The following NXPE2 variants were observed in gnomAD, a reference collection of about 807,000 sequenced individuals.
NXPE2 encodes the protein neurexophilin and PC-esterase domain family member 2.
Under a neutral mutation model 34.4 loss-of-function variants are expected in NXPE2, and 34 were observed. The observed-to-expected ratio is 0.99, with a 90% CI of 0.75 to 1.31. NXPE2 has a LOEUF of 1.31. NXPE2 is among the 40% of genes most tolerant of loss of function. NXPE2 has a pLI of 0.00. For missense variants in NXPE2, 649 were observed against 672.5 expected (o/e 0.97, Z 0.39); for synonymous variants, 235 against 231.3 (o/e 1.02, Z -0.15).
chr11:114,801,578 C>T, the NXPE2 span, among the ~76,000 whole-genome samples: 2 of 152,100 alleles, frequency 1.3e-5, no homozygotes, highest in Non-Finnish European at 2.9e-5. Context: ...CTATGTGCTG[C>T]GTGGAGTTGG....
chr11:114,485,641 C>T, the NXPE2 span, among the ~76,000 whole-genome samples: 3 of 152,052 alleles, frequency 2.0e-5, no homozygotes, highest in Admixed American at 1.3e-4. Context: ...TAATCATCCC[C>T]ACTCCCCAAA....
chr11:114,686,241 A>G (rs1385401932), intron 2 of NXPE2, among the ~76,000 whole-genome samples: 2 of 152,098 alleles, frequency 1.3e-5, no homozygotes, highest in Non-Finnish European at 2.9e-5. Context: ...ATAGTACCCA[A>G]TAGGTAGTTT....
the NXPE2 span, among the ~76,000 whole-genome samples, chr11:114,646,468 T>A: frequency 6.6e-6 from 1 of 152,024 alleles, no homozygotes; most frequent in African/African-American, 2.4e-5. Flanking sequence ...TTGAGGTGAA[T>A]CTCATTTCAT....
chr11:114,797,093 T>C, the NXPE2 span, among the ~76,000 whole-genome samples: 1 of 152,226 alleles, frequency 6.6e-6, no homozygotes. Context: ...AAAGGTTTCC[T>C]GTAGGAGACT....
chr11:114,702,662 G>T (rs1433902171), intron 3 of NXPE2, among the ~76,000 whole-genome samples: 1 of 152,058 alleles, frequency 6.6e-6, no homozygotes, highest in Non-Finnish European at 1.5e-5. Flanking sequence ...TATTAAATAG[G>T]TTGGCCAAAG....
chr11:114,596,736 C>T, the NXPE2 span, among the ~76,000 whole-genome samples: 1 of 152,094 alleles, frequency 6.6e-6, no homozygotes, highest in East Asian at 1.9e-4. Context: ...TTGGCTGTTC[C>T]TTAGAGGACT....
chr11:114,724,102 A>G, the NXPE2 span, among the ~76,000 whole-genome samples: 1 of 152,176 alleles, frequency 6.6e-6, no homozygotes, highest in Non-Finnish European at 1.5e-5. Context: ...AGCAACAATC[A>G]TCCTATCAGT....
chr11:114,607,626 A>G, the NXPE2 span, among the ~76,000 whole-genome samples: 2 of 151,726 alleles, frequency 1.3e-5, no homozygotes, highest in East Asian at 3.9e-4. Context: ...TACCCGGTGG[A>G]TAAGTGTTGC....
the NXPE2 span, among the ~76,000 whole-genome samples, chr11:114,542,240 G>C: frequency 6.6e-6 from 1 of 151,926 alleles, no homozygotes; most frequent in African/African-American, 2.4e-5. Context: ...AAATGTTTAA[G>C]AAAATCAAGG....
At chr11:114,466,213 C>A in the NXPE2 span, among the ~76,000 whole-genome samples, 1 of 151,998 alleles carries the variant, frequency 6.6e-6, no homozygotes, top group Non-Finnish European at 1.5e-5. Context: ...ATAAAAAATA[C>A]CTTTGTTGAA....
At chr11:114,799,311 A>AG in the NXPE2 span, among the ~76,000 whole-genome samples, 2,079 of 133,032 alleles carry the variant, frequency 0.016, 60 homozygotes, top group Non-Finnish European at 0.026. Context: ...AAAAAAAAAA[A>AG]AAAATTGGTG....
chr11:114,505,769 C>CA, the NXPE2 span, among the ~76,000 whole-genome samples: 3 of 152,098 alleles, frequency 2.0e-5, no homozygotes, highest in Admixed American at 6.5e-5. Flanking sequence ...CTAAAAAACA[C>CA]ACTGAAGTAC....
chr11:114,535,320 CA>C, the NXPE2 span, among the ~76,000 whole-genome samples: 1 of 152,112 alleles, frequency 6.6e-6, no homozygotes, highest in African/African-American at 2.4e-5. Context: ...CCAGCCACTG[CA>C]AAAACAAGCC....
At chr11:114,484,432 C>T in the NXPE2 span, among the ~76,000 whole-genome samples, 20 of 152,228 alleles carry the variant, frequency 1.3e-4, no homozygotes, top group South Asian at 4.1e-3. Flanking sequence ...CCTCTCTGGG[C>T]TTGTTTTCCC....
chr11:114,536,079 T>G, the NXPE2 span, among the ~76,000 whole-genome samples: 1 of 152,142 alleles, frequency 6.6e-6, no homozygotes, highest in Non-Finnish European at 1.5e-5. Flanking sequence ...TATAACAAAC[T>G]GTCTCTCAGA....
chr11:114,686,790 G>T (rs1187407514), intron 2 of NXPE2, among the ~76,000 whole-genome samples: 1 of 152,054 alleles, frequency 6.6e-6, no homozygotes, highest in Admixed American at 6.6e-5. Flanking sequence ...GTTATTTTTT[G>T]ACTGTTTAAT....
At chr11:114,551,303 C>A in the NXPE2 span, 1 of 1,358,790 alleles carries the variant, frequency 7.4e-7, no homozygotes, top group African/African-American at 1.5e-5. Flanking sequence ...TTGCCTCCAA[C>A]ATTTTGTTCT....
chr11:114,620,364 A>C, the NXPE2 span, among the ~76,000 whole-genome samples: 4 of 151,232 alleles, frequency 2.6e-5, no homozygotes, highest in African/African-American at 9.7e-5. Context: ...TTACCGGTGG[A>C]AAATAAGTGT....
the NXPE2 span, among the ~76,000 whole-genome samples, chr11:114,486,806 A>C: frequency 6.6e-6 from 1 of 152,070 alleles, no homozygotes; most frequent in South Asian, 2.1e-4. Flanking sequence ...AGTTCATTGT[A>C]GATGTATGGA....
Sources: gnomAD v4.1 joint callset for allele counts (sites outside exome capture counted in the v4.1 genomes callset) on GRCh38, gnomAD v4.1.1 for gene constraint, MANE v1.5 for transcripts, NCBI Gene and HGNC (gene_info 2026-07-23, HGNC 2026-07-21) for gene names.